The following ZNF519 variants were observed in gnomAD, a reference collection of about 807,000 sequenced individuals.
The protein encoded by ZNF519 is zinc finger protein 519.
ZNF519 carries 7 observed loss-of-function variants against 7.4 expected under a neutral mutation model. The observed-to-expected ratio is 0.94, with a 90% CI of 0.54 to 1.77. The LOEUF is 1.77. Among genes scored for constraint, ZNF519 ranks in the 40% most tolerant of loss-of-function variants. The pLI is 0.00. For missense variants in ZNF519, 586 were observed against 623.1 expected (o/e 0.94, Z 0.63); for synonymous variants, 179 against 203.3 (o/e 0.88, Z 1.02).
intron 1 of ZNF519, among the ~76,000 whole-genome samples, chr18:14,129,216 G>A (rs572505134): frequency 5.3e-5 from 8 of 152,280 alleles, no homozygotes; most frequent in Admixed American, 2.6e-4. Flanking sequence ...ACAGGTTCCC[G>A]ATAGAGATTC....
At chr18:14,111,182 A>C (rs2046218832) in intron 2 of ZNF519, among the ~76,000 whole-genome samples, 1 of 151,224 alleles carries the variant, frequency 6.6e-6, no homozygotes, top group African/African-American at 2.4e-5. Context: ...AAAAAAAAAA[A>C]AAAAAACCTT....
intron 2 of ZNF519, among the ~76,000 whole-genome samples, chr18:14,113,258 C>A (rs1190276381): frequency 6.6e-6 from 1 of 152,142 alleles, no homozygotes; most frequent in Non-Finnish European, 1.5e-5. Flanking sequence ...GGCAAATCTG[C>A]CTCCCATTCT....
chr18:14,100,888 T>G lies in ZNF519; in HGVS notation c.*4029A>C, dbSNP rs2046157006. 1 of 152,230 alleles carries G rather than the reference T, an allele frequency of 6.6e-6. No individual in the cohort carries two copies. The highest frequency in any genetic ancestry group is 1.5e-5 in the Non-Finnish European group (1 of 68,046). 9.4% of individuals were successfully genotyped at this position (152,230 alleles called of 1,614,324 possible). ...AATCTTATATCTTACTATAGTTTTCTAGAGTTTTAAATAGTTTTATAATAT... is the reference window on the plus strand; with the variant it reads ...AATCTTATATCTTACTATAGTTTTCGAGAGTTTTAAATAGTTTTATAATAT... On this transcript the variant is annotated 3_prime_UTR_variant, in exon 3 of 3. Transcript: ENST00000590202.
rs189138191 is a variant in ZNF519, at chr18:14,102,814, A to G, written c.*2103T>C. The G allele has an allele frequency of 1.9e-3, 292 of 152,104 alleles. 1 individual carries two copies. Among genetic ancestry groups the G allele is most frequent in the African/African-American group, 6.7e-3 (279 of 41,530 alleles). The allele number at this position is 152,104 out of a possible 1,614,324, so 9.4% of individuals were successfully genotyped here. On this transcript the variant is annotated 3_prime_UTR_variant, in exon 3 of 3. Coordinates refer to ENST00000590202, the MANE Select transcript of ZNF519 (RefSeq NM_145287.4). The stretch of plus-strand genomic sequence containing the variant: ...TTAAAAATTCAATCCAAATTGGGGG[A>G]AAAAAGCTATATAGTGGTAATATTT...
At chr18:14,086,014 G>A (rs546571162) in intron 2 of ZNF519, among the ~76,000 whole-genome samples, 4 of 152,244 alleles carry the variant, frequency 2.6e-5, no homozygotes, top group South Asian at 2.1e-4. Flanking sequence ...GCTTTGGCCC[G>A]ATCCAGCTAA....
At chr18:14,090,461 A>G (rs2143096516) in intron 2 of ZNF519, 1 of 152,326 alleles carries the variant, frequency 6.6e-6, no homozygotes, top group African/African-American at 2.4e-5. Flanking sequence ...TAAAAATGCT[A>G]GAGTTCCTAG....
At position 14,105,793 on chromosome 18, in the gene ZNF519, T is replaced by A. The variant is rs559663330; in HGVS notation, c.747A>T (p.Gln249His). The A allele has an allele frequency of 6.2e-7, 1 of 1,609,622 alleles. No individual in the cohort carries two copies. The highest frequency in any genetic ancestry group is 8.5e-7 in the Non-Finnish European group (1 of 1,178,932). The change falls in exon 3 of 3, where the codon CAA (glutamine) becomes CAT (histidine). Residue 249 changes from glutamine to histidine, a missense_variant. Coordinates refer to ENST00000590202, the MANE Select transcript of ZNF519 (RefSeq NM_145287.4). ...CNKKCIIVFS[Q>H]SHLKGHKIIN... The stretch of plus-strand genomic sequence containing the variant: ...TTATCTTATGTCCCTTTAGATGTGA[T>A]TGACTAAAGACTATTATACATTTTT...
downstream of ZNF519, among the ~76,000 whole-genome samples, chr18:14,098,487 C>T (rs1199578004): frequency 6.6e-6 from 1 of 151,832 alleles, no homozygotes; most frequent in Non-Finnish European, 1.5e-5. Flanking sequence ...TTTTAGTATT[C>T]CCATCATTAA....
chr18:14,091,940 G>A lies in ZNF519; in HGVS notation c.131-6864C>T, dbSNP rs559406668. ...TCAGAGTGGCTTGAATTCAGTGAAC[G>A]ATGGCCAGAGGAAGTTTAGTGAAGG... On this transcript the variant is annotated intron_variant and NMD_transcript_variant, in intron 2 of 4. Coordinates refer to the ZNF519 transcript ENST00000587419. 3.0e-4 allele frequency among the ~76,000 whole-genome samples: 45 copies of A among 152,236 alleles called. No individual in the cohort carries two copies. The South Asian group carries it at 6.8e-3, about 23-fold the overall frequency.
chr18:14,128,247 C>G (rs557330258), intron 1 of ZNF519, among the ~76,000 whole-genome samples: 1 of 151,964 alleles, frequency 6.6e-6, no homozygotes, highest in African/African-American at 2.4e-5. Context: ...GCGCCGAGAT[C>G]GCACCACTGC....
chr18:14,119,212 G>A (rs906467317), intron 2 of ZNF519, among the ~76,000 whole-genome samples: 2 of 152,136 alleles, frequency 1.3e-5, no homozygotes, highest in Non-Finnish European at 2.9e-5. Flanking sequence ...CTTCTTCTCT[G>A]CAACCCCAGA....
exon 5 of ZNF519, chr18:14,077,201 C>T (rs2046050903): frequency 6.6e-6 from 1 of 152,178 alleles, no homozygotes; most frequent in Non-Finnish European, 1.5e-5. Flanking sequence ...GGTTTGTGAC[C>T]TTGCCCTCCA....
At position 14,104,924 on chromosome 18, in the gene ZNF519, G is replaced by C; in HGVS notation, c.1616C>G (p.Thr539Ser). Reference sequence around the variant, plus strand: ...TTTACACTTGCAGGGTTTCTACCTGGTATGAATTATTTGATGTTGAGTAAG... The same window carrying C: ...TTTACACTTGCAGGGTTTCTACCTGCTATGAATTATTTGATGTTGAGTAAG... ...STLTQHQIIH[T>S]R The change falls in exon 3 of 3, where the codon ACC (threonine) becomes AGC (serine). Residue 539 changes from threonine to serine, a missense_variant. By Grantham distance (58) the Thr-to-Ser change is moderately conservative. Coordinates refer to ENST00000590202, the MANE Select transcript of ZNF519 (RefSeq NM_145287.4). The C allele has an allele frequency of 6.5e-7, 1 of 1,545,878 alleles. No homozygotes were observed. Among genetic ancestry groups the C allele is most frequent in the Non-Finnish European group, 8.7e-7 (1 of 1,150,340 alleles).
At chr18:14,094,330 A>C (rs2046125894) in intron 2 of ZNF519, among the ~76,000 whole-genome samples, 1 of 152,228 alleles carries the variant, frequency 6.6e-6, no homozygotes, top group Non-Finnish European at 1.5e-5. Context: ...ATATTGCATA[A>C]AAGTGGTAAA....
intron 1 of ZNF519, 145 bp downstream of exon 1, chr18:14,132,130 C>G: frequency 1.1e-6 from 1 of 910,830 alleles, no homozygotes; most frequent in East Asian, 2.4e-5. Context: ...AGGGACAGGA[C>G]AGGACGCCCG....
At chr18:14,092,781 C>A (rs535413565) in intron 2 of ZNF519, among the ~76,000 whole-genome samples, 2 of 152,160 alleles carry the variant, frequency 1.3e-5, no homozygotes, top group Non-Finnish European at 2.9e-5. Context: ...CTCCCCTAAG[C>A]CCTCTTGTCA....
intron 2 of ZNF519, among the ~76,000 whole-genome samples, chr18:14,119,312 C>T (rs1598521010): frequency 6.6e-6 from 1 of 152,158 alleles, no homozygotes; most frequent in African/African-American, 2.4e-5. Context: ...TTAGATCCTT[C>T]AAATGTACAG....
At chr18:14,093,514 T>C (rs2046122480) in intron 2 of ZNF519, among the ~76,000 whole-genome samples, 1 of 152,216 alleles carries the variant, frequency 6.6e-6, no homozygotes, top group Non-Finnish European at 1.5e-5. Context: ...TATACACACA[T>C]ATTTAGAAAT....
At position 14,110,064 on chromosome 18, in the gene ZNF519, C is replaced by T. The variant is rs145534740; in HGVS notation, c.131-3655G>A. ...CAGGCAACTCATCTTAACTAATAAT[C>T]AACAAGGCATACAAATAAACAAATT... is the stretch of plus-strand genomic sequence containing the variant. On this transcript the variant is annotated intron_variant, in intron 2 of 2. Transcript: ENST00000590202. Among the ~76,000 whole-genome samples the T allele has an allele frequency of 1.9e-3, 296 of 152,028 alleles. 3 individuals are homozygous for T. The highest frequency in any genetic ancestry group is 6.8e-3 in the African/African-American group (283 of 41,508).
Sources: gnomAD v4.1 joint callset for allele counts (sites outside exome capture counted in the v4.1 genomes callset) on GRCh38, gnomAD v4.1.1 for gene constraint, MANE v1.5 for transcripts, NCBI Gene and HGNC (gene_info 2026-07-23, HGNC 2026-07-21) for gene names.